Variants in FAM227B observed in about 807,000 individuals in gnomAD.
The protein encoded by FAM227B is protein FAM227B.
Under a neutral mutation model 73.8 loss-of-function variants are expected in FAM227B, and 88 were observed. The observed-to-expected ratio is 1.19, with a 90% CI of 1.00 to 1.42. FAM227B has a LOEUF of 1.42. FAM227B is among the 40% of genes most tolerant of loss of function. The pLI, the probability that FAM227B is intolerant of heterozygous loss-of-function variation, is 0.00. For missense variants in FAM227B, 632 were observed against 590.9 expected (o/e 1.07, Z -0.72); for synonymous variants, 210 against 190.5 (o/e 1.10, Z -0.84).
chr15:49,395,080 T>C (rs1482702903), intron 11 of FAM227B, among the ~76,000 whole-genome samples: 1 of 152,246 alleles, frequency 6.6e-6, no homozygotes, highest in Admixed American at 6.5e-5. Context: ...TTTTGCTTTA[T>C]ATATTTCTAG....
At chr15:49,462,262 A>C (rs1232356431) in intron 11 of FAM227B, among the ~76,000 whole-genome samples, 1 of 152,196 alleles carries the variant, frequency 6.6e-6, no homozygotes, top group Admixed American at 6.5e-5. Context: ...GAGTACACTG[A>C]AAGTGGTCTC....
intron 11 of FAM227B, chr15:49,488,036 A>G (rs2056550528): frequency 6.6e-6 from 1 of 151,956 alleles, no homozygotes; most frequent in Non-Finnish European, 1.5e-5. Flanking sequence ...AGTGATAACA[A>G]AAATATTTAA....
chr15:49,422,612 A>C, intron 11 of FAM227B: 1 of 1,162,884 alleles, frequency 8.6e-7, no homozygotes, highest in South Asian at 1.3e-5. Flanking sequence ...CAATTTTACA[A>C]ATGTAGCAGC....
At chr15:49,510,846 T>C (rs2058942461) in intron 10 of FAM227B, among the ~76,000 whole-genome samples, 1 of 152,156 alleles carries the variant, frequency 6.6e-6, no homozygotes, top group Non-Finnish European at 1.5e-5. Context: ...TCCTAGGTTA[T>C]AAATAATTTT....
chr15:49,578,120 A>G (rs1341434816), intron 5 of FAM227B, among the ~76,000 whole-genome samples: 3 of 152,216 alleles, frequency 2.0e-5, no homozygotes, highest in Non-Finnish European at 2.9e-5. Flanking sequence ...CTCAAAGAAG[A>G]GTTCTAGAGC....
chr15:49,616,376 G>T (rs753571085), intron 1 of FAM227B, among the ~76,000 whole-genome samples: 10 of 152,032 alleles, frequency 6.6e-5, no homozygotes, highest in Non-Finnish European at 7.4e-5. Context: ...ACTTTGTGTT[G>T]TTTTAAGCCA....
chr15:49,607,768 G>A (rs962380211), intron 3 of FAM227B, among the ~76,000 whole-genome samples: 2 of 150,956 alleles, frequency 1.3e-5, no homozygotes, highest in African/African-American at 4.8e-5. Context: ...ATATAAAGAA[G>A]GTGATTTTTA....
intron 3 of FAM227B, among the ~76,000 whole-genome samples, chr15:49,600,999 G>A (rs533017535): frequency 4.3e-5 from 6 of 138,326 alleles, no homozygotes; most frequent in Admixed American, 1.5e-4. Context: ...TGGAGATCGC[G>A]CCATTGCACT....
In FAM227B at chr15:49,328,454, C is replaced by T; in HGVS notation, c.*114G>A. On this transcript the variant is annotated 3_prime_UTR_variant, in exon 16 of 16. Transcript: ENST00000299338. ...GATTTTAAAGATGAATGGTAAAACA[C>T]ACTCTTAATACTGATTACATGGATT... is the stretch of plus-strand genomic sequence containing the variant. 1 of 1,470,536 alleles carries T rather than the reference C, an allele frequency of 6.8e-7. No individual in the cohort carries two copies. The highest frequency in any genetic ancestry group is 9.0e-7 in the Non-Finnish European group (1 of 1,111,108). 91.1% of individuals were successfully genotyped at this position (1,470,536 alleles called of 1,614,324 possible). A position where few individuals can be genotyped will look rare whatever the true frequency, so the allele number is the denominator to read the frequency against.
rs1165180965 is a variant in FAM227B at position 49,327,291 on chromosome 15, G to A, written c.*1277C>T. 6.6e-6 allele frequency: 1 copy of A among 152,192 alleles called. No individual in the cohort carries two copies. The highest frequency in any genetic ancestry group is 1.5e-5 in the Non-Finnish European group (1 of 68,042). 9.4% of individuals were successfully genotyped at this position (152,192 alleles called of 1,614,324 possible). On this transcript the variant is annotated 3_prime_UTR_variant, in exon 16 of 16. Coordinates refer to ENST00000299338, the MANE Select transcript of FAM227B (RefSeq NM_152647.3). ...CAGAAGGCACAGGGAAGGTGGTGTGGACCTCTAGGGACTGCCCTCTGCTTT... is the reference window on the plus strand; with the variant it reads ...CAGAAGGCACAGGGAAGGTGGTGTGAACCTCTAGGGACTGCCCTCTGCTTT...
At chr15:49,507,146 A>G (rs2058644383) in intron 11 of FAM227B, among the ~76,000 whole-genome samples, 1 of 151,822 alleles carries the variant, frequency 6.6e-6, no homozygotes, top group Non-Finnish European at 1.5e-5. Flanking sequence ...ACAGCAAACA[A>G]GAAAATTTCC....
In FAM227B at chr15:49,611,925, C is replaced by T. The variant is rs567659652; in HGVS notation, c.52-657G>A. On this transcript the variant is annotated intron_variant, in intron 2 of 15. Coordinates refer to ENST00000299338, the MANE Select transcript of FAM227B (RefSeq NM_152647.3). ...TTACTTCAAATAACAAATTAAAAGT[C>T]ACTTTGTCCATCAAGCCTTTCTTAT... Among the ~76,000 whole-genome samples, 6 of 152,186 alleles carry T rather than the reference C, an allele frequency of 3.9e-5. No homozygotes were observed. In the East Asian group the frequency reaches 1.2e-3, roughly 29 times the overall value.
chr15:49,506,170 CCT>C (rs1255576922), intron 11 of FAM227B, among the ~76,000 whole-genome samples: 4 of 151,692 alleles, frequency 2.6e-5, no homozygotes, highest in South Asian at 2.1e-4. Context: ...TTTAATATCC[CCT>C]CTGAGTAATT....
intron 3 of FAM227B, among the ~76,000 whole-genome samples, chr15:49,600,442 T>C (rs1178654264): frequency 6.6e-6 from 1 of 150,672 alleles, no homozygotes; most frequent in Non-Finnish European, 1.5e-5. Flanking sequence ...TCACCCGAGG[T>C]TAGGAGTTTG....
chr15:49,508,505 T>C (rs1396007420), intron 10 of FAM227B, among the ~76,000 whole-genome samples, 157 bp from the exon 11 acceptor site: 1 of 152,110 alleles, frequency 6.6e-6, no homozygotes, highest in African/African-American at 2.4e-5. Flanking sequence ...AGATAAGTCA[T>C]CTAACCACTC....
chr15:49,456,196 T>G (rs1395389651), intron 11 of FAM227B, among the ~76,000 whole-genome samples: 2 of 152,164 alleles, frequency 1.3e-5, no homozygotes, highest in Non-Finnish European at 2.9e-5. Flanking sequence ...GAATTAATTC[T>G]TTAGAATTTC....
chr15:49,365,600 T>C, intron 13 of FAM227B: 1 of 1,007,710 alleles, frequency 9.9e-7, no homozygotes, highest in Non-Finnish European at 1.6e-6. Context: ...CCATTCTTTG[T>C]GATGAATGGT....
At chr15:49,391,164 C>T (rs2047190463) in intron 11 of FAM227B, among the ~76,000 whole-genome samples, 1 of 151,892 alleles carries the variant, frequency 6.6e-6, no homozygotes, top group Non-Finnish European at 1.5e-5. Flanking sequence ...ATTAATCTAC[C>T]TCTATTAAGC....
intron 11 of FAM227B, among the ~76,000 whole-genome samples, chr15:49,498,284 A>T (rs2057801814): frequency 6.6e-6 from 1 of 152,232 alleles, no homozygotes; most frequent in East Asian, 1.9e-4. Flanking sequence ...CTTTAGGAAA[A>T]TTACTTAATC....
Sources: allele counts gnomAD v4.1 joint callset (sites outside exome capture counted in the v4.1 genomes callset), GRCh38; gene constraint gnomAD v4.1.1; transcripts MANE v1.5; gene names NCBI Gene and HGNC (gene_info 2026-07-23, HGNC 2026-07-21).